MAGI2: variants seen among roughly 807,000 people sequenced by gnomAD.
The protein encoded by MAGI2 is membrane associated guanylate kinase, WW and PDZ domain containing 2.
MAGI2 carries 35 observed loss-of-function variants against 133.3 expected under a neutral mutation model. The ratio of observed to expected loss-of-function variants is 0.26; its 90% CI spans 0.20 to 0.35. The LOEUF (loss-of-function observed/expected upper bound fraction) is 0.35. Ranked by LOEUF, MAGI2 falls within the 10% of genes least tolerant of loss-of-function variation. MAGI2 has a pLI of 1.00. For missense variants in MAGI2, 1,636 were observed against 1,863.4 expected (o/e 0.88, Z 2.25); for synonymous variants, 729 against 710.6 (o/e 1.03, Z -0.41).
In MAGI2 at chr7:78,362,209, C is replaced by T. The variant is rs143001590; in HGVS notation, c.1103+6947G>A. Among the ~76,000 whole-genome samples the T allele has an allele frequency of 3.9e-3, 597 of 151,912 alleles. 2 individuals carry two copies. The highest frequency in any genetic ancestry group is 0.013 in the African/African-American group (547 of 41,422). On this transcript the variant is annotated intron_variant, in intron 7 of 21. Coordinates refer to ENST00000354212, the MANE Select transcript of MAGI2 (RefSeq NM_012301.4). ...CCCAGCTACTCGGGAGGCTGTGGCA[C>T]GAGAATCGCTTGAACCTGGGAGGCG...
intron 9 of MAGI2, among the ~76,000 whole-genome samples, chr7:78,309,858 T>G (rs538728227): frequency 2.0e-5 from 3 of 152,258 alleles, no homozygotes; most frequent in Non-Finnish European, 2.9e-5. Context: ...AGGTTGACAT[T>G]AATATTCTTT....
At chr7:79,098,300 GC>G (rs753179255) in intron 1 of MAGI2, among the ~76,000 whole-genome samples, 12 of 152,152 alleles carry the variant, frequency 7.9e-5, no homozygotes, top group Non-Finnish European at 1.2e-4. Flanking sequence ...AGCCCTATCA[GC>G]CCTGAACTGC....
chr7:78,388,289 T>TCAA (rs1795586116), intron 6 of MAGI2, among the ~76,000 whole-genome samples: 7 of 139,312 alleles, frequency 5.0e-5, no homozygotes, highest in African/African-American at 1.4e-4. Flanking sequence ...ATCATCATCA[T>TCAA]CATCATCGTC....
At chr7:78,230,135 CTG>C (rs1411879103) in intron 10 of MAGI2, among the ~76,000 whole-genome samples, 5 of 152,248 alleles carry the variant, frequency 3.3e-5, no homozygotes, top group Non-Finnish European at 4.4e-5. Flanking sequence ...AGACCAAACA[CTG>C]TGCTCATCTC....
intron 10 of MAGI2, among the ~76,000 whole-genome samples, chr7:78,227,536 TCCACCTTTAATCTCACCTTCAGG>T (rs1186237715): frequency 6.6e-6 from 1 of 152,216 alleles, no homozygotes; most frequent in Non-Finnish European, 1.5e-5. Context: ...TAAATCCTTG[TCCACCTTTAATCTCACCTTCAGG>T]CGATTCTTTT....
chr7:78,696,110 AT>A (rs992007216), intron 2 of MAGI2, among the ~76,000 whole-genome samples: 66 of 151,880 alleles, frequency 4.3e-4, no homozygotes, highest in Admixed American at 2.5e-3. Flanking sequence ...TAACCTTTTT[AT>A]TTTTGTTTTG....
intron 2 of MAGI2, among the ~76,000 whole-genome samples, chr7:78,964,692 A>T (rs1803154396): frequency 6.6e-6 from 1 of 152,020 alleles, no homozygotes; most frequent in Admixed American, 6.6e-5. Flanking sequence ...TATCTTGTTG[A>T]TCACTTTTGA....
At chr7:79,378,547 T>C (rs1056060516) in intron 1 of MAGI2, among the ~76,000 whole-genome samples, 1 of 151,564 alleles carries the variant, frequency 6.6e-6, no homozygotes, top group Non-Finnish European at 1.5e-5. Flanking sequence ...GGAAGAATCA[T>C]TTTATTTACA....
chr7:78,081,235 A>G (rs188798383), intron 20 of MAGI2, among the ~76,000 whole-genome samples: 1 of 152,242 alleles, frequency 6.6e-6, no homozygotes, highest in African/African-American at 2.4e-5. Context: ...GCCTCATTAC[A>G]GATTCATGAG....
chr7:79,391,488 C>CATATAT (rs66941748), intron 1 of MAGI2, among the ~76,000 whole-genome samples: 2 of 119,336 alleles, frequency 1.7e-5, no homozygotes, highest in Non-Finnish European at 3.6e-5. Context: ...TTACCTTTAA[C>CATATAT]ATATATATAT....
At chr7:79,035,281 C>G (rs957279588) in intron 1 of MAGI2, among the ~76,000 whole-genome samples, 3 of 151,914 alleles carry the variant, frequency 2.0e-5, no homozygotes, top group Non-Finnish European at 4.4e-5. Context: ...AAATATTGTT[C>G]TATTGTTGCT....
At chr7:78,201,932 T>C (rs915561895) in intron 10 of MAGI2, among the ~76,000 whole-genome samples, 2 of 152,310 alleles carry the variant, frequency 1.3e-5, no homozygotes, top group African/African-American at 4.8e-5. Flanking sequence ...AAGTAAAGGA[T>C]AGATTAACTC....
At chr7:79,340,344 TG>T (rs1488807020) in intron 1 of MAGI2, among the ~76,000 whole-genome samples, 1 of 152,132 alleles carries the variant, frequency 6.6e-6, no homozygotes, top group African/African-American at 2.4e-5. Context: ...GATTTTAGTT[TG>T]TTTTGTTTGT....
At chr7:78,825,604 TA>T (rs1401936399) in intron 2 of MAGI2, among the ~76,000 whole-genome samples, 6 of 152,142 alleles carry the variant, frequency 3.9e-5, no homozygotes, top group Admixed American at 1.3e-4. Context: ...CTAGTTTTTT[TA>T]AAAAAAGTGA....
intron 7 of MAGI2, among the ~76,000 whole-genome samples, chr7:78,353,301 C>T (rs543356329): frequency 3.3e-5 from 5 of 152,330 alleles, no homozygotes; most frequent in East Asian, 3.9e-4. Context: ...AAGTCCTTTA[C>T]GTCTCATATA....
chr7:78,837,682 A>C (rs909027845), intron 2 of MAGI2, among the ~76,000 whole-genome samples: 1 of 152,190 alleles, frequency 6.6e-6, no homozygotes, highest in Non-Finnish European at 1.5e-5. Flanking sequence ...GTAATATTTT[A>C]AATGTAAAAC....
chr7:79,305,164 C>G (rs1265112856), intron 1 of MAGI2, among the ~76,000 whole-genome samples: 1 of 152,084 alleles, frequency 6.6e-6, no homozygotes, highest in Non-Finnish European at 1.5e-5. Context: ...GCTGTCAGTT[C>G]TTAAAGAATT....
intron 1 of MAGI2, among the ~76,000 whole-genome samples, chr7:79,048,713 C>A (rs1410393965): frequency 6.6e-6 from 1 of 152,136 alleles, no homozygotes; most frequent in African/African-American, 2.4e-5. Flanking sequence ...ATGGCTCATG[C>A]CTGTAATCCC....
chr7:78,932,804 G>A (rs1213349631), intron 2 of MAGI2, among the ~76,000 whole-genome samples: 1 of 152,128 alleles, frequency 6.6e-6, no homozygotes, highest in Non-Finnish European at 1.5e-5. Context: ...GGTTATTGCT[G>A]ATGAAAATTT....
Sources: gnomAD v4.1 joint callset for allele counts (sites outside exome capture counted in the v4.1 genomes callset) on GRCh38, gnomAD v4.1.1 for gene constraint, MANE v1.5 for transcripts, NCBI Gene and HGNC (gene_info 2026-07-23, HGNC 2026-07-21) for gene names.